The following CTNND2 variants were observed in gnomAD, a reference collection of about 807,000 sequenced individuals.
CTNND2 encodes catenin delta 2.
A neutral mutation model predicts 144.4 loss-of-function variants in CTNND2; 22 were observed. The observed-to-expected ratio is 0.15, with a 90% confidence interval of 0.11 to 0.22. The LOEUF is 0.22. Among genes scored for constraint, CTNND2 ranks in the 10% least tolerant of loss-of-function variants. The pLI, the probability that CTNND2 is intolerant of heterozygous loss-of-function variation, is 1.00. For missense variants in CTNND2, 1,353 were observed against 1,618.8 expected, an observed-to-expected ratio of 0.84 and a Z score of 2.82; for synonymous variants, 751 against 695.6, an observed-to-expected ratio of 1.08 and a Z score of -1.25.
intron 9 of CTNND2, among the ~76,000 whole-genome samples, chr5:11,344,977 A>G (rs1167962876): frequency 5.3e-5 from 8 of 152,212 alleles, no homozygotes; most frequent in Admixed American, 3.3e-4. Flanking sequence ...TATTTCCATC[A>G]GAGATAAAAT....
At chr5:11,634,725 G>A (rs1355544416) in intron 2 of CTNND2, among the ~76,000 whole-genome samples, 1 of 152,152 alleles carries the variant, frequency 6.6e-6, no homozygotes, top group African/African-American at 2.4e-5. Flanking sequence ...AATATTTAAG[G>A]GAAAGGTGGA....
intron 12 of CTNND2, among the ~76,000 whole-genome samples, chr5:11,137,555 C>G (rs1381743111): frequency 6.6e-6 from 1 of 152,136 alleles, no homozygotes; most frequent in Non-Finnish European, 1.5e-5. Flanking sequence ...TAGATAAGCT[C>G]TTACAAAATA....
chr5:11,044,543 T>C (rs868617009), intron 16 of CTNND2, among the ~76,000 whole-genome samples: 1 of 83,136 alleles, frequency 1.2e-5, no homozygotes, highest in Non-Finnish European at 2.0e-5. Context: ...AAAAAAAAAA[T>C]ACATATATAT....
intron 3 of CTNND2, among the ~76,000 whole-genome samples, chr5:11,431,703 T>A (rs1395303165): frequency 6.6e-6 from 1 of 152,066 alleles, no homozygotes; most frequent in Non-Finnish European, 1.5e-5. Context: ...TCCGAAACCT[T>A]CCTCTGAGCC....
chr5:11,623,808 GTATATATATATA>G (rs58954001), intron 2 of CTNND2, among the ~76,000 whole-genome samples: 408 of 40,730 alleles, frequency 0.01, 13 homozygotes, highest in East Asian at 0.072. Flanking sequence ...ATGTGTGTAT[GTATATATATATA>G]TATATATATA....
chr5:11,694,158 A>T (rs1272608634), intron 2 of CTNND2, among the ~76,000 whole-genome samples: 1 of 152,106 alleles, frequency 6.6e-6, no homozygotes, highest in African/African-American at 2.4e-5. Context: ...AAAATGGGCC[A>T]GGCGCGGTGG....
chr5:11,738,420 AATGAATAGTC>A (rs1787819522), intron 1 of CTNND2, among the ~76,000 whole-genome samples: 1 of 152,198 alleles, frequency 6.6e-6, no homozygotes, highest in East Asian at 1.9e-4. Context: ...ATGATGTCCA[AATGAATAGTC>A]TAAACTTTTC....
intron 16 of CTNND2, among the ~76,000 whole-genome samples, chr5:11,052,254 A>C (rs1204803485): frequency 2.6e-5 from 4 of 152,168 alleles, no homozygotes; most frequent in Admixed American, 2.0e-4. Context: ...GCAATTTTTG[A>C]GATGTGTATA....
At chr5:11,403,563 T>A (rs1362625354) in intron 5 of CTNND2, among the ~76,000 whole-genome samples, 1 of 152,222 alleles carries the variant, frequency 6.6e-6, no homozygotes, top group African/African-American at 2.4e-5. Context: ...CAGAGAAGTG[T>A]ACTTTTCATC....
intron 1 of CTNND2, among the ~76,000 whole-genome samples, chr5:11,790,128 T>A (rs888502900): frequency 6.6e-6 from 1 of 152,224 alleles, no homozygotes; most frequent in Non-Finnish European, 1.5e-5. Context: ...GCTGGACCTA[T>A]CATTTCATTT....
At chr5:11,686,631 G>A (rs1336904154) in intron 2 of CTNND2, among the ~76,000 whole-genome samples, 1 of 151,966 alleles carries the variant, frequency 6.6e-6, no homozygotes, top group East Asian at 1.9e-4. Context: ...CTGATGAATA[G>A]TAGAAGGAGA....
chr5:11,591,816 CA>C (rs1304694244), intron 2 of CTNND2, among the ~76,000 whole-genome samples: 2 of 152,056 alleles, frequency 1.3e-5, no homozygotes, highest in Non-Finnish European at 2.9e-5. Flanking sequence ...TGGACAATGT[CA>C]ACCCACTATC....
chr5:11,085,642 T>C (rs1750052809), intron 15 of CTNND2, among the ~76,000 whole-genome samples: 1 of 152,068 alleles, frequency 6.6e-6, no homozygotes, highest in Admixed American at 6.5e-5. Context: ...AGGTAAAAGA[T>C]GGAATATATT....
At chr5:11,571,705 T>C (rs1036364569) in intron 2 of CTNND2, among the ~76,000 whole-genome samples, 2 of 152,106 alleles carry the variant, frequency 1.3e-5, no homozygotes, top group African/African-American at 4.8e-5. Flanking sequence ...CTGTGTAAAT[T>C]GGTCTACGAT....
intron 2 of CTNND2, among the ~76,000 whole-genome samples, chr5:11,668,816 T>C (rs2126593098): frequency 6.6e-6 from 1 of 152,332 alleles, no homozygotes; most frequent in East Asian, 1.9e-4. Flanking sequence ...ACAGGAATGG[T>C]AAGAGATGAC....
chr5:11,442,859 T>C (rs1272332131), intron 3 of CTNND2, among the ~76,000 whole-genome samples: 1 of 143,786 alleles, frequency 7.0e-6, no homozygotes, highest in East Asian at 1.9e-4. Flanking sequence ...ATAATGATTA[T>C]ATTATAATTA....
chr5:11,371,430 T>C (rs1757471619), intron 7 of CTNND2, among the ~76,000 whole-genome samples: 1 of 152,232 alleles, frequency 6.6e-6, no homozygotes, highest in Non-Finnish European at 1.5e-5. Flanking sequence ...CTCATCATAA[T>C]AAAACTTATC....
At chr5:11,844,235 T>C (rs939393018) in intron 1 of CTNND2, among the ~76,000 whole-genome samples, 3 of 152,190 alleles carry the variant, frequency 2.0e-5, no homozygotes, top group Admixed American at 6.5e-5. Context: ...TGAACATCTT[T>C]ACAGAAACTT....
chr5:11,409,995 G>A (rs1054087586), intron 5 of CTNND2, among the ~76,000 whole-genome samples: 22 of 151,444 alleles, frequency 1.5e-4, no homozygotes, highest in Admixed American at 1.2e-3. Context: ...TCCTAAACTC[G>A]TTATCAAATA....
Sources: allele counts gnomAD v4.1 joint callset (sites outside exome capture counted in the v4.1 genomes callset), GRCh38; gene constraint gnomAD v4.1.1; transcripts MANE v1.5; gene names NCBI Gene and HGNC (gene_info 2026-07-23, HGNC 2026-07-21).